Variants in METAP1 observed in about 807,000 individuals in gnomAD.
The protein encoded by METAP1 is methionyl aminopeptidase 1.
METAP1 carries 28 observed loss-of-function variants against 53.8 expected under a neutral mutation model. The ratio of observed to expected loss-of-function variants is 0.52; its 90% CI spans 0.39 to 0.71. METAP1 has a LOEUF of 0.71. Among genes scored for constraint, METAP1 ranks in the 30% least tolerant of loss-of-function variants. The probability of loss-of-function intolerance (pLI) is 0.00; values close to 1 mark genes in which losing one functional copy is unlikely to be tolerated. For synonymous variants in METAP1, 181 were observed against 165.7 expected (o/e 1.09, Z -0.71); for missense variants, 389 against 479.8 (o/e 0.81, Z 1.77).
intron 1 of METAP1, among the ~76,000 whole-genome samples, chr4:99,006,741 A>G (rs956404951): frequency 1.3e-5 from 2 of 152,152 alleles, no homozygotes; most frequent in East Asian, 1.9e-4. Context: ...GAACCTATCA[A>G]AGCTCACATA....
intron 1 of METAP1, chr4:99,026,605 G>A (rs1414739160): frequency 1.0e-5 from 10 of 985,208 alleles, no homozygotes; most frequent in Non-Finnish European, 1.2e-5. Context: ...GAGATGAGGA[G>A]GGAAAGATTG....
chr4:99,022,792 G>A (rs992877286), intron 1 of METAP1: 40 of 1,599,312 alleles, frequency 2.5e-5, no homozygotes, highest in Admixed American at 3.4e-5. Context: ...CTATGCGCTT[G>A]TCACGGAACT....
chr4:99,044,676 C>G (rs143008230), intron 7 of METAP1, among the ~76,000 whole-genome samples: 152 of 150,952 alleles, frequency 1.0e-3, no homozygotes, highest in Non-Finnish European at 1.8e-3. Context: ...AATCTATATT[C>G]TTAAACATGG....
At chr4:99,055,503 C>G (rs1398192427) in intron 9 of METAP1, among the ~76,000 whole-genome samples, 1 of 151,996 alleles carries the variant, frequency 6.6e-6, no homozygotes, top group Non-Finnish European at 1.5e-5. Flanking sequence ...CTGTGAGAGA[C>G]TATAGATCAG....
In METAP1 at chr4:99,034,345, G is replaced by T; in HGVS notation, c.279+3G>T. 1 of 1,444,194 alleles carries T rather than the reference G, an allele frequency of 6.9e-7. No individual in the cohort carries two copies. Among genetic ancestry groups the T allele is most frequent in the South Asian group, 1.2e-5 (1 of 81,308 alleles). 89.5% of individuals were successfully genotyped at this position (1,444,194 alleles called of 1,614,324 possible). ...AACTCAGACCACATTATCCACTGGTGAGTAAATAAGGTAATAAAAACAACA... is the reference window on the plus strand; with the variant it reads ...AACTCAGACCACATTATCCACTGGTTAGTAAATAAGGTAATAAAAACAACA... On this transcript the variant is annotated splice_donor_region_variant and intron_variant, in intron 3 of 10. Transcript: ENST00000296411.
chr4:99,048,515 A>G (rs913604570), intron 8 of METAP1, among the ~76,000 whole-genome samples: 3 of 152,126 alleles, frequency 2.0e-5, no homozygotes, highest in African/African-American at 7.2e-5. Flanking sequence ...GACTATAGGC[A>G]TGCACCACTA....
At chr4:99,043,179 A>G in intron 6 of METAP1, 70 bp from the exon 7 acceptor site, 1 of 1,248,074 alleles carries the variant, frequency 8.0e-7, no homozygotes, top group East Asian at 2.6e-5. Context: ...CATTTTTCAA[A>G]TTTTAAAATC....
At chr4:99,043,089 ATTGT>A (rs1725994283) in intron 6 of METAP1, among the ~76,000 whole-genome samples, 156 bp from the exon 7 acceptor site, 1 of 152,140 alleles carries the variant, frequency 6.6e-6, no homozygotes, top group Non-Finnish European at 1.5e-5. Flanking sequence ...CCTGTTGTAT[ATTGT>A]TTAAGATAAT....
intron 2 of METAP1, among the ~76,000 whole-genome samples, chr4:99,029,695 A>G (rs1024245737): frequency 1.3e-5 from 2 of 151,966 alleles, no homozygotes; most frequent in Admixed American, 1.3e-4. Flanking sequence ...TTCTGTTTCT[A>G]CATACCTGAT....
At chr4:99,015,535 C>T (rs1345490138) in intron 1 of METAP1, among the ~76,000 whole-genome samples, 1 of 152,308 alleles carries the variant, frequency 6.6e-6, no homozygotes, top group Middle Eastern at 3.4e-3. Flanking sequence ...GGCCTAAGCT[C>T]AGTACAAACC....
chr4:99,046,163 C>T (rs562629625), intron 8 of METAP1, among the ~76,000 whole-genome samples: 10 of 152,246 alleles, frequency 6.6e-5, no homozygotes, highest in African/African-American at 2.4e-4. Flanking sequence ...CCTGTAATCC[C>T]AGCACCTTGG....
intron 1 of METAP1, among the ~76,000 whole-genome samples, chr4:99,005,333 A>AC (rs1723124996): frequency 6.6e-6 from 1 of 152,240 alleles, no homozygotes; most frequent in Admixed American, 6.5e-5. Flanking sequence ...AAATGACCTA[A>AC]ATAGAATTTT....
At chr4:99,010,904 G>A (rs1209794657) in intron 1 of METAP1, among the ~76,000 whole-genome samples, 2 of 151,896 alleles carry the variant, frequency 1.3e-5, no homozygotes, top group Non-Finnish European at 2.9e-5. Context: ...TTATTTCTAG[G>A]TATTTTATTT....
chr4:99,031,006 A>G (rs1724974348), intron 2 of METAP1, among the ~76,000 whole-genome samples: 1 of 151,738 alleles, frequency 6.6e-6, no homozygotes, highest in Non-Finnish European at 1.5e-5. Context: ...CCACTGAAAC[A>G]TCTGGATCTG....
At chr4:99,015,059 C>T (rs1348899928) in intron 1 of METAP1, among the ~76,000 whole-genome samples, 1 of 152,184 alleles carries the variant, frequency 6.6e-6, no homozygotes, top group African/African-American at 2.4e-5. Context: ...CCACACACTC[C>T]AAATCCGTCG....
intron 1 of METAP1, among the ~76,000 whole-genome samples, chr4:99,007,831 G>C (rs532459869): frequency 2.0e-5 from 3 of 152,080 alleles, no homozygotes; most frequent in Non-Finnish European, 4.4e-5. Flanking sequence ...CTAGCTCTCT[G>C]GCATATGATA....
intron 1 of METAP1, among the ~76,000 whole-genome samples, chr4:99,017,127 C>T (rs1723811625): frequency 6.6e-6 from 1 of 152,208 alleles, no homozygotes; most frequent in East Asian, 1.9e-4. Flanking sequence ...AAAAGTCATG[C>T]TGGTGTCCAG....
chr4:99,021,158 C>G (rs1724083170), intron 1 of METAP1, among the ~76,000 whole-genome samples: 1 of 152,134 alleles, frequency 6.6e-6, no homozygotes, highest in African/African-American at 2.4e-5. Flanking sequence ...AACTTTCTCC[C>G]CTCTGTTCCC....
chr4:99,000,451 G>T (rs1452525504), intron 1 of METAP1, among the ~76,000 whole-genome samples: 1 of 152,140 alleles, frequency 6.6e-6, no homozygotes, highest in African/African-American at 2.4e-5. Context: ...AGAGCATCCA[G>T]GGTGCCTAGT....
Sources: allele counts gnomAD v4.1 joint callset (sites outside exome capture counted in the v4.1 genomes callset), GRCh38; gene constraint gnomAD v4.1.1; transcripts MANE v1.5; gene names NCBI Gene and HGNC (gene_info 2026-07-23, HGNC 2026-07-21).